The following TRIO variants were observed in gnomAD, a reference collection of about 807,000 sequenced individuals.
TRIO encodes the protein triple functional domain protein.
Under a neutral mutation model 351.9 loss-of-function variants are expected in TRIO, and 58 were observed. That is an observed-to-expected ratio of 0.16 (90% CI 0.13 to 0.21). The LOEUF (loss-of-function observed/expected upper bound fraction) is 0.21, where lower values mean the gene tolerates loss of function less well. Ranked by LOEUF, TRIO falls within the 10% of genes least tolerant of loss-of-function variation. The pLI, the probability that TRIO is intolerant of heterozygous loss-of-function variation, is 1.00. For missense variants in TRIO, 3,201 were observed against 4,027.8 expected, an observed-to-expected ratio of 0.79 and a Z score of 5.56; for synonymous variants, 1,758 against 1,595.7, an observed-to-expected ratio of 1.10 and a Z score of -2.42.
chr5:14,168,607 G>T (rs931501710), intron 1 of TRIO, among the ~76,000 whole-genome samples: 6 of 152,184 alleles, frequency 3.9e-5, no homozygotes, highest in Non-Finnish European at 8.8e-5. Flanking sequence ...TGTGTTTGTG[G>T]TGCATGTCTT....
intron 1 of TRIO, among the ~76,000 whole-genome samples, chr5:14,187,713 T>A (rs1425307621): frequency 6.6e-6 from 1 of 152,374 alleles, no homozygotes; most frequent in South Asian, 2.1e-4. Flanking sequence ...GTGATATGAA[T>A]GTTTATTTTA....
chr5:14,275,055 AC>A (rs1735379486), intron 2 of TRIO, among the ~76,000 whole-genome samples: 1 of 152,200 alleles, frequency 6.6e-6, no homozygotes, highest in Non-Finnish European at 1.5e-5. Flanking sequence ...AAACACACAC[AC>A]GCATTTTAAT....
At chr5:14,249,769 G>T (rs1269475293) in intron 1 of TRIO, among the ~76,000 whole-genome samples, 1 of 152,172 alleles carries the variant, frequency 6.6e-6, no homozygotes, top group African/African-American at 2.4e-5. Context: ...ATGAGGATTG[G>T]TTTAAAAACC....
chr5:14,424,361 C>T (rs1351063093), intron 34 of TRIO, among the ~76,000 whole-genome samples: 1 of 152,102 alleles, frequency 6.6e-6, no homozygotes, highest in Non-Finnish European at 1.5e-5. Context: ...TTAACCTTTA[C>T]CACTCTAAAA....
intron 34 of TRIO, among the ~76,000 whole-genome samples, chr5:14,447,619 G>T (rs1216782110): frequency 6.6e-6 from 1 of 152,128 alleles, no homozygotes; most frequent in East Asian, 1.9e-4. Context: ...AAAAATCTGC[G>T]TATAGCCCCC....
chr5:14,424,108 G>C (rs1750425985), intron 34 of TRIO, among the ~76,000 whole-genome samples: 1 of 152,054 alleles, frequency 6.6e-6, no homozygotes, highest in Non-Finnish European at 1.5e-5. Context: ...GGCAAGGGAG[G>C]AGTGAGTGGT....
intron 1 of TRIO, among the ~76,000 whole-genome samples, chr5:14,251,513 G>A (rs1172022830): frequency 1.3e-5 from 2 of 152,226 alleles, no homozygotes; most frequent in African/African-American, 4.8e-5. Context: ...CCGTCTTGGC[G>A]CTGGGCCTGT....
chr5:14,491,122 C>T (rs1756452715), intron 48 of TRIO, among the ~76,000 whole-genome samples: 1 of 152,180 alleles, frequency 6.6e-6, no homozygotes, highest in African/African-American at 2.4e-5. Context: ...ATAGCCCTGG[C>T]ACCTGGAATT....
At chr5:14,502,783 G>C in intron 54 of TRIO, 126 bp downstream of exon 54, 1 of 898,134 alleles carries the variant, frequency 1.1e-6, no homozygotes, top group Non-Finnish European at 1.7e-6. Context: ...TCTTGCATTT[G>C]AATCGTAACT....
rs546774135 is a variant in TRIO at position 14,398,168 on chromosome 5, AAG to A, written c.4424-707_4424-706del. Among the ~76,000 whole-genome samples, 512 of 152,284 alleles carry A rather than the reference AAG, an allele frequency of 3.4e-3. 1 individual carries two copies. The highest frequency in any genetic ancestry group is 6.3e-3 in the Non-Finnish European group (426 of 68,018). On this transcript the variant is annotated intron_variant, in intron 29 of 56. Transcript: ENST00000344204. Reference sequence around the variant, plus strand: ...TGGGAGCTTCTACTATGAGAGTAAAAAGAGAGTGGAAGTCAGGAGGTAATGGG... The same window carrying A: ...TGGGAGCTTCTACTATGAGAGTAAAAAGAGTGGAAGTCAGGAGGTAATGGG...
rs531259037 is a variant in TRIO at position 14,393,003 on chromosome 5, C to T, written c.4219-1035C>T. On this transcript the variant is annotated intron_variant, in intron 27 of 56. Transcript: ENST00000344204. ...CGGAGCTTGCAGTGAACTGAGATCA[C>T]GCCACTGCATTCCAGTCTGGGCGAC... Among the ~76,000 whole-genome samples, 24 of 150,904 alleles carry T rather than the reference C, an allele frequency of 1.6e-4. No individual in the cohort carries two copies. The South Asian group carries it at 1.9e-3, about 12-fold the overall frequency.
chr5:14,447,639 C>T (rs913748157), intron 34 of TRIO, among the ~76,000 whole-genome samples: 4 of 152,198 alleles, frequency 2.6e-5, no homozygotes, highest in Non-Finnish European at 4.4e-5. Flanking sequence ...CTGCCCCCAA[C>T]GTCTTTGGTA....
At chr5:14,459,326 CTG>C (rs954364296) in intron 34 of TRIO, among the ~76,000 whole-genome samples, 4 of 152,248 alleles carry the variant, frequency 2.6e-5, no homozygotes, top group Non-Finnish European at 2.9e-5. Context: ...CTACAGGTAT[CTG>C]TGCAAAGGAG....
intron 34 of TRIO, among the ~76,000 whole-genome samples, chr5:14,454,214 C>T (rs1753067244): frequency 2.0e-5 from 3 of 152,146 alleles, no homozygotes; most frequent in Admixed American, 2.0e-4. Context: ...CAGGCGTGAG[C>T]CACCGTGCCC....
At chr5:14,202,342 A>G (rs967463241) in intron 1 of TRIO, among the ~76,000 whole-genome samples, 15 of 55,684 alleles carry the variant, frequency 2.7e-4, no homozygotes, top group African/African-American at 9.5e-4. Context: ...CTCATCAGCT[A>G]TCGTTAGTAT....
At chr5:14,251,828 A>C (rs1794763308) in intron 1 of TRIO, among the ~76,000 whole-genome samples, 1 of 152,198 alleles carries the variant, frequency 6.6e-6, no homozygotes, top group Non-Finnish European at 1.5e-5. Context: ...GATCAGGAAC[A>C]GATTATTTGA....
chr5:14,165,417 T>G (rs1227777612), intron 1 of TRIO, among the ~76,000 whole-genome samples: 1 of 152,226 alleles, frequency 6.6e-6, no homozygotes, highest in Non-Finnish European at 1.5e-5. Flanking sequence ...GTTCCATCCG[T>G]GTTCCTGCAA....
chr5:14,178,351 T>C (rs1789530715), intron 1 of TRIO, among the ~76,000 whole-genome samples: 1 of 152,220 alleles, frequency 6.6e-6, no homozygotes, highest in East Asian at 1.9e-4. Context: ...ACAGATTCCA[T>C]GTGAGAGACG....
chr5:14,309,917 T>C (rs970177337), intron 8 of TRIO, among the ~76,000 whole-genome samples: 4 of 152,222 alleles, frequency 2.6e-5, no homozygotes, highest in African/African-American at 7.2e-5. Context: ...GGTTTATAGT[T>C]TCTAGTCTCT....
Sources: allele counts gnomAD v4.1 joint callset (sites outside exome capture counted in the v4.1 genomes callset), GRCh38; gene constraint gnomAD v4.1.1; transcripts MANE v1.5; gene names NCBI Gene and HGNC (gene_info 2026-07-23, HGNC 2026-07-21).